Variants in STYX observed in about 807,000 individuals in gnomAD.
The protein encoded by STYX is serine/threonine/tyrosine interacting protein.
A neutral mutation model predicts 42.7 loss-of-function variants in STYX; 20 were observed. That is an observed-to-expected ratio of 0.47 (90% CI 0.33 to 0.68). The LOEUF (loss-of-function observed/expected upper bound fraction) is 0.68, where lower values mean the gene tolerates loss of function less well. Among genes scored for constraint, STYX ranks in the 30% least tolerant of loss-of-function variants. The pLI, the probability that STYX is intolerant of heterozygous loss-of-function variation, is 0.02. For synonymous variants in STYX, 78 were observed against 81.9 expected (o/e 0.95, Z 0.26); for missense variants, 226 against 268.5 (o/e 0.84, Z 1.11).
Position 52,757,776 on chromosome 14 carries a change from C to T in STYX, c.374C>T (p.Ser125Phe), listed in dbSNP as rs148497094. The T allele has an allele frequency of 6.2e-7, 1 of 1,613,300 alleles. No individual in the cohort carries two copies. The highest frequency in any genetic ancestry group is 8.5e-7 in the Non-Finnish European group (1 of 1,179,726). The change falls in exon 7 of 11, where the codon TCC becomes TTC. Residue 125 changes from serine to phenylalanine, a missense_variant. Coordinates refer to ENST00000354586, the MANE Select transcript of STYX (RefSeq NM_145251.4). ...KVLVHGNAGI[S>F]RSAAFVIAYI... ...CTTGTGCATGGAAATGCAGGGATCTCCAGAAGGTATGAAGTTAGAAATAAT... is the reference window on the plus strand; with the variant it reads ...CTTGTGCATGGAAATGCAGGGATCTTCAGAAGGTATGAAGTTAGAAATAAT...
Position 52,773,503 on chromosome 14 carries a change from A to C in STYX, c.*2397A>C, listed in dbSNP as rs1357307020. On this transcript the variant is annotated 3_prime_UTR_variant, in exon 11 of 11. Transcript: ENST00000354586. ...GAGGCACATGCCACCATGCCTGGCT[A>C]ATTTTTGTAGTTTTAGTAGAGATGG... is the stretch of plus-strand genomic sequence containing the variant. 6.6e-6 allele frequency: 1 copy of C among 152,102 alleles called. No individual in the cohort carries two copies. Among genetic ancestry groups the C allele is most frequent in the East Asian group, 1.9e-4 (1 of 5,174 alleles). The allele number at this position is 152,102 out of a possible 1,614,324, so 9.4% of individuals were successfully genotyped here.
rs762588457 is a variant in STYX, at chr14:52,730,442, C to T, written c.-33C>T. The T allele has an allele frequency of 1.2e-6, 2 of 1,610,680 alleles. No homozygotes were observed. Among genetic ancestry groups the T allele is most frequent in the Non-Finnish European group, 1.7e-6 (2 of 1,178,418 alleles). On this transcript the variant is annotated 5_prime_UTR_variant, in exon 1 of 11. Coordinates refer to ENST00000354586, the MANE Select transcript of STYX (RefSeq NM_145251.4). Reference sequence around the variant, plus strand: ...GGGTCGGCCGGCTGTGTAACACTCTCCCACCCCACCCACCAGCCCGCGGGC... The same window carrying T: ...GGGTCGGCCGGCTGTGTAACACTCTTCCACCCCACCCACCAGCCCGCGGGC...
At chr14:52,741,230 ATT>A (rs61593961) in intron 1 of STYX, among the ~76,000 whole-genome samples, 1 of 140,310 alleles carries the variant, frequency 7.1e-6, no homozygotes, top group African/African-American at 2.7e-5. Flanking sequence ...ATATATATAT[ATT>A]TTTTTTTTGG....
chr14:52,774,101 G>T lies in STYX; in HGVS notation c.*2995G>T, dbSNP rs1020681726. The T allele has an allele frequency of 6.6e-6, 1 of 152,082 alleles. No individual in the cohort carries two copies. Among genetic ancestry groups the T allele is most frequent in the Non-Finnish European group, 1.5e-5 (1 of 68,012 alleles). 9.4% of individuals were successfully genotyped at this position (152,082 alleles called of 1,614,324 possible). On this transcript the variant is annotated 3_prime_UTR_variant, in exon 11 of 11. Coordinates refer to ENST00000354586, the MANE Select transcript of STYX (RefSeq NM_145251.4). ...GTTTAAACTGCAGTGACCTTTACTT[G>T]TATCTACTCTGTGGTGGAAATGTTA...
intron 9 of STYX, among the ~76,000 whole-genome samples, chr14:52,763,132 A>T (rs964759452): frequency 7.9e-5 from 12 of 151,946 alleles, no homozygotes; most frequent in Admixed American, 4.6e-4. Context: ...ACCTCTGGTG[A>T]TCCGCCCGCC....
At position 52,768,890 on chromosome 14, in the gene STYX, A is replaced by G. The variant is rs769205789; in HGVS notation, c.555A>G (p.Pro185=). ...AATTAACAATACAGATGATGTCACC[A>G]CTCCAGATAGAAAGGTCATTATCTG... ...LAKLTIQMMS[P]LQIERSLSVH... Residue 185 remains proline, a synonymous_variant, in exon 10 of 11, where the codon CCA becomes CCG. Transcript: ENST00000354586. 5.6e-6 allele frequency: 9 copies of G among 1,604,020 alleles called. No homozygotes were observed. The Admixed American group carries it at 1.5e-4, about 27-fold the overall frequency.
intron 9 of STYX, among the ~76,000 whole-genome samples, chr14:52,760,522 CAT>C (rs1345791929): frequency 6.6e-6 from 1 of 152,216 alleles, no homozygotes; most frequent in African/African-American, 2.4e-5. Flanking sequence ...GAGGCAAAAT[CAT>C]AGGCTGCAGA....
intron 9 of STYX, 33 bp from the exon 10 acceptor site, chr14:52,768,807 A>G (rs1446040153): frequency 1.7e-5 from 24 of 1,451,130 alleles, no homozygotes; most frequent in Non-Finnish European, 2.1e-5. Context: ...ATGTAAATAT[A>G]TAATTAAGTT....
chr14:52,759,815 AT>A, intron 9 of STYX, 61 bp downstream of exon 9: 1 of 1,080,366 alleles, frequency 9.3e-7, no homozygotes. Context: ...TATACATGTA[AT>A]TTAGGTGTAC....
chr14:52,748,288 G>A (rs914052778), intron 3 of STYX, among the ~76,000 whole-genome samples: 8 of 152,074 alleles, frequency 5.3e-5, no homozygotes, highest in South Asian at 4.1e-4. Flanking sequence ...GTACAGTGGC[G>A]CGCTCTCATA....
At chr14:52,741,336 CCA>C (rs1881185177) in intron 1 of STYX, among the ~76,000 whole-genome samples, 1 of 151,506 alleles carries the variant, frequency 6.6e-6, no homozygotes, top group East Asian at 1.9e-4. Context: ...TGTGAGAGTC[CCA>C]GTTGCTCCAC....
chr14:52,736,741 T>C (rs576857441), intron 1 of STYX, among the ~76,000 whole-genome samples: 51 of 152,304 alleles, frequency 3.3e-4, no homozygotes, highest in Non-Finnish European at 6.9e-4. Context: ...CCAGCACCTA[T>C]TGTAGTTTAA....
chr14:52,751,297 C>T (rs1881599644), intron 4 of STYX, among the ~76,000 whole-genome samples: 2 of 151,902 alleles, frequency 1.3e-5, no homozygotes, highest in Non-Finnish European at 2.9e-5. Context: ...CATTGTAATC[C>T]ATTGTATGGC....
intron 4 of STYX, among the ~76,000 whole-genome samples, chr14:52,753,209 C>T (rs1035513349): frequency 1.3e-5 from 2 of 151,800 alleles, no homozygotes; most frequent in African/African-American, 4.8e-5. Context: ...ACCACCACTC[C>T]CAGATAATTT....
In STYX at chr14:52,773,112, T is replaced by G. The variant is rs1217729933; in HGVS notation, c.*2006T>G. 1 of 152,138 alleles carries G rather than the reference T, an allele frequency of 6.6e-6. No individual in the cohort carries two copies. The highest frequency in any genetic ancestry group is 6.6e-5 in the Admixed American group (1 of 15,258). The allele number at this position is 152,138 out of a possible 1,614,324, so 9.4% of individuals were successfully genotyped here. Reference sequence around the variant, plus strand: ...AGTAAGTTTAGGTTTTAAAAACTTGTTTCATAAATATACATATATCCTCTC... The same window carrying G: ...AGTAAGTTTAGGTTTTAAAAACTTGGTTCATAAATATACATATATCCTCTC... On this transcript the variant is annotated 3_prime_UTR_variant, in exon 11 of 11. Coordinates refer to ENST00000354586, the MANE Select transcript of STYX (RefSeq NM_145251.4).
chr14:52,739,654 T>C (rs1461707968), intron 1 of STYX, among the ~76,000 whole-genome samples: 12 of 144,292 alleles, frequency 8.3e-5, no homozygotes, highest in South Asian at 2.3e-4. Flanking sequence ...TTTTTTTTTT[T>C]TCGTTGAGAT....
At chr14:52,742,676 A>C (rs1189864276) in intron 1 of STYX, among the ~76,000 whole-genome samples, 1 of 152,228 alleles carries the variant, frequency 6.6e-6, no homozygotes, top group Non-Finnish European at 1.5e-5. Context: ...AGCAGAAATG[A>C]AACAAAAAGT....
intron 1 of STYX, among the ~76,000 whole-genome samples, chr14:52,732,097 T>C (rs1428014495): frequency 8.5e-6 from 1 of 118,238 alleles, no homozygotes; most frequent in African/African-American, 3.8e-5. Context: ...CATGGTTTTT[T>C]TTTTTTTTTT....
At chr14:52,751,766 T>C (rs2139906033) in intron 4 of STYX, among the ~76,000 whole-genome samples, 1 of 152,318 alleles carries the variant, frequency 6.6e-6, no homozygotes, top group Middle Eastern at 3.4e-3. Flanking sequence ...TATGTAAACA[T>C]ATATAATGAA....
Sources: allele counts gnomAD v4.1 joint callset (sites outside exome capture counted in the v4.1 genomes callset), GRCh38; gene constraint gnomAD v4.1.1; transcripts MANE v1.5; gene names NCBI Gene and HGNC (gene_info 2026-07-23, HGNC 2026-07-21).